The following NELL2 variants were observed in gnomAD, a reference collection of about 807,000 sequenced individuals.
NELL2 encodes protein kinase C-binding protein NELL2.
A neutral mutation model predicts 109.6 loss-of-function variants in NELL2; 41 were observed. The observed-to-expected ratio is 0.37, with a 90% CI of 0.29 to 0.49. The LOEUF (loss-of-function observed/expected upper bound fraction) is 0.49, where lower values mean the gene tolerates loss of function less well. Among genes scored for constraint, NELL2 ranks in the 20% least tolerant of loss-of-function variants. The pLI is 0.98. For missense variants in NELL2, 900 were observed against 1,008.3 expected, an observed-to-expected ratio of 0.89 and a Z score of 1.45; for synonymous variants, 355 against 344.7, an observed-to-expected ratio of 1.03 and a Z score of -0.33.
intron 13 of NELL2, among the ~76,000 whole-genome samples, chr12:44,637,249 A>G (rs1249810630): frequency 6.6e-6 from 1 of 151,484 alleles, no homozygotes. Flanking sequence ...TATCTCCTTC[A>G]GTTCAGGTCC....
chr12:44,641,988 C>T (rs1478804126), intron 13 of NELL2, among the ~76,000 whole-genome samples: 1 of 152,070 alleles, frequency 6.6e-6, no homozygotes, highest in Non-Finnish European at 1.5e-5. Flanking sequence ...TAAGCCAGCG[C>T]GCCCGGCCCA....
intron 9 of NELL2, among the ~76,000 whole-genome samples, chr12:44,715,812 TG>T (rs1169407906): frequency 1.3e-5 from 2 of 152,154 alleles, no homozygotes; most frequent in African/African-American, 4.8e-5. Flanking sequence ...TTATATAAAG[TG>T]AATGGGTATA....
intron 1 of NELL2, among the ~76,000 whole-genome samples, chr12:44,892,810 A>AG (rs1467201530): frequency 6.6e-6 from 1 of 151,284 alleles, no homozygotes; most frequent in Non-Finnish European, 1.5e-5. Flanking sequence ...AAAAAAAAAA[A>AG]AAAAAAAAAG....
At chr12:44,665,462 T>G (rs1254736870) in intron 13 of NELL2, 22 bp downstream of exon 13, 1 of 1,567,954 alleles carries the variant, frequency 6.4e-7, no homozygotes, top group Non-Finnish European at 8.6e-7. Flanking sequence ...AATATTTTAT[T>G]TCACAAATAG....
intron 12 of NELL2, among the ~76,000 whole-genome samples, chr12:44,677,495 T>C (rs1250374705): frequency 6.6e-6 from 1 of 152,274 alleles, no homozygotes; most frequent in South Asian, 2.1e-4. Flanking sequence ...TATTTAAGCA[T>C]ACACATAGGG....
At chr12:44,528,171 T>G (rs1472799419) in intron 16 of NELL2, among the ~76,000 whole-genome samples, 1 of 151,178 alleles carries the variant, frequency 6.6e-6, no homozygotes, top group Non-Finnish European at 1.5e-5. Flanking sequence ...TAGTAGGTTT[T>G]TCTGATAATC....
Position 44,667,313 on chromosome 12 carries a change from C to T in NELL2, c.1319-1704G>A, listed in dbSNP as rs1947956167. Among the ~76,000 whole-genome samples the T allele has an allele frequency of 4.6e-5, 7 of 152,212 alleles. No individual in the cohort carries two copies. In the South Asian group the frequency reaches 1.2e-3, roughly 27 times the overall value. On this transcript the variant is annotated intron_variant, in intron 12 of 19. Coordinates refer to ENST00000429094, the MANE Select transcript of NELL2 (RefSeq NM_001145108.2). ...TAATTTACTTGTTTGTGGTGGAACA[C>T]ATGCAATGATTTTTTTAAAAAAATC...
rs1946328330 is a variant in NELL2, at chr12:44,628,061, G to A, written c.1445-17091C>T. ...TGAAGAGTTCAAAAGTAAAGGACACGTACTTTATAATCAATGCTGAATGTG... is the reference window on the plus strand; with the variant it reads ...TGAAGAGTTCAAAAGTAAAGGACACATACTTTATAATCAATGCTGAATGTG... On this transcript the variant is annotated intron_variant, in intron 13 of 19. Coordinates refer to ENST00000429094, the MANE Select transcript of NELL2 (RefSeq NM_001145108.2). Among the ~76,000 whole-genome samples, 3 of 152,080 alleles carry A rather than the reference G, an allele frequency of 2.0e-5. 1 individual carries two copies. Among genetic ancestry groups the A allele is most frequent in the South Asian group, 4.1e-4 (2 of 4,826 alleles).
chr12:44,584,300 G>C (rs1483308658), intron 15 of NELL2, among the ~76,000 whole-genome samples: 1 of 152,218 alleles, frequency 6.6e-6, no homozygotes, highest in East Asian at 1.9e-4. Context: ...TGACTGGTCA[G>C]CCTGGCCTTT....
At chr12:44,712,745 T>C (rs960109456) in intron 10 of NELL2, among the ~76,000 whole-genome samples, 3 of 151,998 alleles carry the variant, frequency 2.0e-5, no homozygotes, top group Admixed American at 6.6e-5. Flanking sequence ...TCTTTTACAC[T>C]GTAATTGCAA....
intron 9 of NELL2, among the ~76,000 whole-genome samples, chr12:44,739,656 C>T (rs1939836156): frequency 6.6e-6 from 1 of 152,102 alleles, no homozygotes; most frequent in African/African-American, 2.4e-5. Context: ...GTTGGGAGGC[C>T]AAGGTGAGTG....
chr12:44,858,538 AC>A (rs903714942), intron 2 of NELL2, among the ~76,000 whole-genome samples: 1 of 152,324 alleles, frequency 6.6e-6, no homozygotes, highest in African/African-American at 2.4e-5. Context: ...GCTATGCTAT[AC>A]TTTTTTCTTC....
Position 44,876,158 on chromosome 12 carries a change from C to G in NELL2, c.-289G>C. On this transcript the variant is annotated 5_prime_UTR_variant, in exon 1 of 20. Coordinates refer to ENST00000429094, the MANE Select transcript of NELL2 (RefSeq NM_001145108.2). Reference sequence around the variant, plus strand: ...GGGAGGGGTCGGACTCGCCCCGGCGCGGCTCCGTCGGGGAATTAGCTCCCG... The same window carrying G: ...GGGAGGGGTCGGACTCGCCCCGGCGGGGCTCCGTCGGGGAATTAGCTCCCG... 3 of 1,257,274 alleles carry G rather than the reference C, an allele frequency of 2.4e-6. No individual in the cohort carries two copies. Among genetic ancestry groups the G allele is most frequent in the Non-Finnish European group, 3.0e-6 (3 of 997,894 alleles). The allele number at this position is 1,257,274 out of a possible 1,614,324, so 77.9% of individuals were successfully genotyped here. A position where few individuals can be genotyped will look rare whatever the true frequency, so the allele number is the denominator to read the frequency against.
Position 44,783,017 on chromosome 12 carries a change from C to T in NELL2, c.336-2995G>A, listed in dbSNP as rs546445795. Among the ~76,000 whole-genome samples the T allele has an allele frequency of 1.5e-4, 23 of 151,884 alleles. No individual in the cohort carries two copies. The South Asian group carries it at 2.3e-3, about 15-fold the overall frequency. Reference sequence around the variant, plus strand: ...CATAAAATAAACCTCAACAAAACAACATTTTAAAAAATTTAAATCACTTAG... The same window carrying T: ...CATAAAATAAACCTCAACAAAACAATATTTTAAAAAATTTAAATCACTTAG... On this transcript the variant is annotated intron_variant, in intron 3 of 19. Transcript: ENST00000429094.
chr12:44,633,760 G>C (rs773671920), intron 13 of NELL2, among the ~76,000 whole-genome samples: 3 of 152,048 alleles, frequency 2.0e-5, no homozygotes, highest in Non-Finnish European at 4.4e-5. Context: ...TTAAGTACTT[G>C]ACCAAATCAA....
At chr12:44,813,135 G>T (rs1943233205) in intron 3 of NELL2, among the ~76,000 whole-genome samples, 2 of 152,176 alleles carry the variant, frequency 1.3e-5, no homozygotes, top group Non-Finnish European at 1.5e-5. Context: ...GGCCCCAAAA[G>T]CAATGAGTGG....
intron 9 of NELL2, among the ~76,000 whole-genome samples, chr12:44,747,042 AC>A (rs1232763475): frequency 3.9e-5 from 6 of 152,204 alleles, no homozygotes; most frequent in Non-Finnish European, 7.3e-5. Flanking sequence ...AAGACTTGGA[AC>A]CAACCCAAAT....
At chr12:44,895,716 A>T (rs1945585367) in intron 1 of NELL2, among the ~76,000 whole-genome samples, 1 of 152,106 alleles carries the variant, frequency 6.6e-6, no homozygotes, top group Non-Finnish European at 1.5e-5. Flanking sequence ...TTACGAAATC[A>T]TATATCACCC....
intron 14 of NELL2, among the ~76,000 whole-genome samples, chr12:44,607,690 C>T (rs1455698247): frequency 3.3e-5 from 5 of 152,046 alleles, no homozygotes; most frequent in Non-Finnish European, 7.4e-5. Context: ...GACCATTTTG[C>T]ACACTAGCCA....
Sources: allele counts gnomAD v4.1 joint callset (sites outside exome capture counted in the v4.1 genomes callset), GRCh38; gene constraint gnomAD v4.1.1; transcripts MANE v1.5; gene names NCBI Gene and HGNC (gene_info 2026-07-23, HGNC 2026-07-21).